Variants in SCARF2 observed in about 807,000 individuals in gnomAD.
The protein encoded by SCARF2 is scavenger receptor expressed by endothelial cells 2 protein.
SCARF2 carries 39 observed loss-of-function variants against 73.4 expected under a neutral mutation model. The ratio of observed to expected loss-of-function variants is 0.53; its 90% CI spans 0.41 to 0.69. The LOEUF (loss-of-function observed/expected upper bound fraction) is 0.69. Ranked by LOEUF, SCARF2 falls within the 30% of genes least tolerant of loss-of-function variation. SCARF2 has a pLI of 0.00. For missense variants in SCARF2, 1,148 were observed against 1,303.5 expected, an observed-to-expected ratio of 0.88 and a Z score of 1.84; for synonymous variants, 605 against 590.0, an observed-to-expected ratio of 1.03 and a Z score of -0.37.
In SCARF2 at chr22:20,427,482, G is replaced by A. The variant is rs779303835; in HGVS notation, c.1609C>T (p.Pro537Ser). ...GCCCGAGAGGACCAGGATGGTGAGG[G>A]CTGCTCCAGCCCTGAGGGTGGCTCC... ...FLEPPSGLEQ[P>S]SPSWSSRASF... is the part of the protein sequence containing the mutation. The change falls in exon 10 of 11, where the codon CCC (proline) becomes TCC (serine). Residue 537 changes from proline to serine, a missense_variant. Transcript: ENST00000622235. 1.1e-5 allele frequency: 17 copies of A among 1,613,996 alleles called. No individual in the cohort carries two copies. In the Admixed American group the frequency reaches 2.3e-4, roughly 22 times the overall value.
chr22:20,427,898 A>G (rs962429233), intron 9 of SCARF2, among the ~76,000 whole-genome samples: 10 of 152,344 alleles, frequency 6.6e-5, no homozygotes, highest in African/African-American at 2.4e-4. Flanking sequence ...AAGGCCTCCA[A>G]GCTCTGTTTT....
chr22:20,430,448 G>T lies in SCARF2; in HGVS notation c.1183C>A (p.Pro395Thr). The T allele has an allele frequency of 6.3e-7, 1 of 1,592,466 alleles. No individual in the cohort carries two copies. The highest frequency in any genetic ancestry group is 8.5e-7 in the Non-Finnish European group (1 of 1,170,310). Residue 395 changes from proline (P) to threonine (T), a missense_variant, in exon 6 of 11, where the codon CCT (proline) becomes ACT (threonine). Coordinates refer to ENST00000622235, the MANE Select transcript of SCARF2 (RefSeq NM_182895.5). ...DFQSGRCLCS[P>T]GVHGPHCNVT... is the part of the protein sequence containing the mutation. The stretch of plus-strand genomic sequence containing the variant: ...ACTCACTGGGGCCCGTGGACGCCAG[G>T]GCTGCACAGGCAGCGCCCCGACTGG...
At chr22:20,436,814 C>T (rs910568810) in intron 1 of SCARF2, among the ~76,000 whole-genome samples, 6 of 152,132 alleles carry the variant, frequency 3.9e-5, no homozygotes, top group African/African-American at 1.2e-4. Flanking sequence ...TCCTGGCGTC[C>T]GGGGCTCACC....
chr22:20,427,190 C>T (rs2052587978), intron 10 of SCARF2, among the ~76,000 whole-genome samples: 1 of 147,918 alleles, frequency 6.8e-6, no homozygotes, highest in Non-Finnish European at 1.5e-5. Context: ...GGGCTGTGGC[C>T]TACCCATCTC....
chr22:20,431,902 C>G (rs2052653775), intron 2 of SCARF2, 28 bp downstream of exon 2: 1 of 1,600,538 alleles, frequency 6.2e-7, no homozygotes, highest in Non-Finnish European at 8.5e-7. Flanking sequence ...CCCTCCCCCG[C>G]CCCAGGTCCC....
chr22:20,435,411 C>T (rs985152747), intron 1 of SCARF2, among the ~76,000 whole-genome samples: 1 of 152,158 alleles, frequency 6.6e-6, no homozygotes, highest in Non-Finnish European at 1.5e-5. Flanking sequence ...GAAGTGTTTG[C>T]CACCTGGCAG....
At chr22:20,436,053 G>C (rs897801300) in intron 1 of SCARF2, among the ~76,000 whole-genome samples, 1 of 152,246 alleles carries the variant, frequency 6.6e-6, no homozygotes, top group African/African-American at 2.4e-5. Flanking sequence ...TGACCACAGC[G>C]ATCTCCACTT....
At chr22:20,435,469 G>C (rs1366720691) in intron 1 of SCARF2, among the ~76,000 whole-genome samples, 4 of 152,116 alleles carry the variant, frequency 2.6e-5, no homozygotes, top group Non-Finnish European at 5.9e-5. Flanking sequence ...GCCCCCAGGG[G>C]GTCCCATGGC....
intron 9 of SCARF2, among the ~76,000 whole-genome samples, chr22:20,428,693 G>T (rs1001362308): frequency 6.0e-5 from 9 of 149,344 alleles, no homozygotes; most frequent in African/African-American, 2.2e-4. Flanking sequence ...GGGAAAGAGA[G>T]GAAGAGAGGG....
chr22:20,425,857 G>A lies in SCARF2; in HGVS notation c.2119C>T (p.His707Tyr). 1 of 1,594,284 alleles carries A rather than the reference G, an allele frequency of 6.3e-7. No homozygotes were observed. Among genetic ancestry groups the A allele is most frequent in the Middle Eastern group, 1.7e-4 (1 of 5,992 alleles). The change falls in exon 11 of 11, where the codon CAT (histidine) becomes TAT (tyrosine). Residue 707 changes from histidine (H) to tyrosine (Y), a missense_variant. His to Tyr is a moderately conservative substitution (Grantham distance 83, BLOSUM62 2). This residue lies in a region of SCARF2 where 437 missense variants were observed against 433.6 expected (regional missense o/e 1.01). Transcript: ENST00000622235. The surrounding 1 kb of genome is among the most constrained non-coding windows in gnomAD (Gnocchi z 4.6). ...RKRTPSDKSA[H>Y]TVEHGSPRTR... ...CGGGGGCTGCCGTGTTCGACCGTAT[G>A]CGCCGATTTGTCGCTGGGCGTCCGT...
Position 20,425,263 on chromosome 22 carries a change from C to A in SCARF2, c.*112G>T, listed in dbSNP as rs371848670. 1.7e-4 allele frequency: 161 copies of A among 926,424 alleles called. 6 individuals carry two copies. Among genetic ancestry groups the A allele is most frequent in the East Asian group, 8.6e-4 (26 of 30,188 alleles). 57.4% of individuals were successfully genotyped at this position (926,424 alleles called of 1,614,324 possible). ...CCAATGAGACGCAACCTCCGCTAGC[C>A]GCGCGGTGCCCGGCCAATAGGAGGC... is the stretch of plus-strand genomic sequence containing the variant. On this transcript the variant is annotated 3_prime_UTR_variant, in exon 11 of 11. Transcript: ENST00000622235. The surrounding 1 kb of genome is among the most constrained non-coding windows in gnomAD (Gnocchi z 4.6).
Position 20,429,533 on chromosome 22 carries a change from C to T in SCARF2, c.1424+3G>A, listed in dbSNP as rs2052617669. 1.2e-6 allele frequency: 2 copies of T among 1,612,342 alleles called. No individual in the cohort carries two copies. The highest frequency in any genetic ancestry group is 1.7e-6 in the Non-Finnish European group (2 of 1,179,642). On this transcript the variant is annotated splice_donor_region_variant and intron_variant, in intron 8 of 10. Transcript: ENST00000622235. This position sits in a 1 kb window ranked among gnomAD's most constrained non-coding sequence, Gnocchi z 5.2. ...GCGAAAGCGGGGCAGTATCTGGGCT[C>T]ACCGGCGCGTAGGGTCCTTGCCGCG...
rs3072077 is a variant in SCARF2, at chr22:20,428,210, T to TCCTCCCTC, written c.1541-668_1541-661dup. On this transcript the variant is annotated intron_variant, in intron 9 of 10. Transcript: ENST00000622235. ...TTTCTTTCGACAGTTTTGGGGTTTCTCCTCCCTCCCTCCCTCCCTCCCTCC... is the reference window on the plus strand; with the variant it reads ...TTTCTTTCGACAGTTTTGGGGTTTCTCCTCCCTCCCTCCCTCCCTCCCTCCCTCCCTCC... 2.1e-3 allele frequency among the ~76,000 whole-genome samples: 297 copies of TCCTCCCTC among 142,776 alleles called. 1 individual carries two copies. The highest frequency in any genetic ancestry group is 6.0e-3 in the African/African-American group (231 of 38,754). The allele number at this position is 142,776 out of a possible 152,430, so 93.7% of individuals were successfully genotyped here.
At chr22:20,435,137 C>A (rs1601305511) in intron 1 of SCARF2, among the ~76,000 whole-genome samples, 1 of 151,520 alleles carries the variant, frequency 6.6e-6, no homozygotes, top group Non-Finnish European at 1.5e-5. Flanking sequence ...CTCTTGACCT[C>A]CTTGCACCCT....
Position 20,425,395 on chromosome 22 carries a change from C to T in SCARF2, c.2581G>A (p.Ala861Thr). ...SREAAGELGRAGAPTL is the reference protein window; with the variant it reads ...SREAAGELGRTGAPTL ...GCCTGCTACAGGGTGGGTGCGCCCG[C>T]CCTGCCCAGCTCGCCCGCCGCCTCC... Residue 861 changes from alanine to threonine, a missense_variant, in exon 11 of 11, where the codon GCG (alanine) becomes ACG (threonine). Physicochemically the swap from Ala to Thr is moderately conservative, Grantham distance 58. Transcript: ENST00000622235. The surrounding 1 kb of genome is among the most constrained non-coding windows in gnomAD (Gnocchi z 4.6). The T allele has an allele frequency of 5.6e-6, 8 of 1,428,652 alleles. No homozygotes were observed. Among genetic ancestry groups the T allele is most frequent in the Non-Finnish European group, 6.4e-6 (7 of 1,088,490 alleles). The allele number at this position is 1,428,652 out of a possible 1,614,324, so 88.5% of individuals were successfully genotyped here.
chr22:20,425,861 C>G lies in SCARF2; in HGVS notation c.2115G>C (p.Ser705=). Residue 705 remains serine (S), a synonymous_variant, in exon 11 of 11, where the codon TCG becomes TCC. Coordinates refer to ENST00000622235, the MANE Select transcript of SCARF2 (RefSeq NM_182895.5). The surrounding 1 kb of genome is among the most constrained non-coding windows in gnomAD (Gnocchi z 4.6). ...GGCTGCCGTGTTCGACCGTATGCGC[C>G]GATTTGTCGCTGGGCGTCCGTTTCC... ...SKRKRTPSDK[S]AHTVEHGSPR... is the part of the protein sequence containing the mutation. 6 of 1,594,816 alleles carry G rather than the reference C, an allele frequency of 3.8e-6. No individual in the cohort carries two copies. Among genetic ancestry groups the G allele is most frequent in the South Asian group, 1.1e-5 (1 of 89,192 alleles).
chr22:20,425,564 C>T lies in SCARF2; in HGVS notation c.2412G>A (p.Lys804=), dbSNP rs775069418. 4.5e-6 allele frequency: 6 copies of T among 1,343,284 alleles called. No homozygotes were observed. Among genetic ancestry groups the T allele is most frequent in the Non-Finnish European group, 4.8e-6 (5 of 1,051,938 alleles). 83.2% of individuals were successfully genotyped at this position (1,343,284 alleles called of 1,614,324 possible). ...REKPAPPQKA[K]RSVPPASPAR... ...CGGGCGAGGCTGGCGGCACGGAGCGCTTGGCTTTCTGTGGGGGCGCCGGCT... is the reference window on the plus strand; with the variant it reads ...CGGGCGAGGCTGGCGGCACGGAGCGTTTGGCTTTCTGTGGGGGCGCCGGCT... Residue 804 remains lysine, a synonymous_variant, in exon 11 of 11, where the codon AAG becomes AAA. Coordinates refer to ENST00000622235, the MANE Select transcript of SCARF2 (RefSeq NM_182895.5). The surrounding 1 kb of genome is among the most constrained non-coding windows in gnomAD (Gnocchi z 4.6).
At chr22:20,428,672 T>C (rs1042957216) in intron 9 of SCARF2, among the ~76,000 whole-genome samples, 1 of 151,980 alleles carries the variant, frequency 6.6e-6, no homozygotes, top group African/African-American at 2.4e-5. Flanking sequence ...CCTCCATCTT[T>C]AGAAATAAGT....
Position 20,426,253 on chromosome 22 carries a change from C to T in SCARF2, c.1723G>A (p.Val575Ile). 6.5e-7 allele frequency: 1 copy of T among 1,536,118 alleles called. No homozygotes were observed. Among genetic ancestry groups the T allele is most frequent in the South Asian group, 1.2e-5 (1 of 83,914 alleles). The part of the protein sequence containing the change: ...EAPAESRDPE[V>I]PTVPAEAPAP... ...GGCGCCTCGGCAGGGACAGTGGGGACTTCGGGGTCCCGGCTCTCCGCTGGT... is the reference window on the plus strand; with the variant it reads ...GGCGCCTCGGCAGGGACAGTGGGGATTTCGGGGTCCCGGCTCTCCGCTGGT... The change falls in exon 11 of 11, where the codon GTC (valine) becomes ATC (isoleucine). Residue 575 changes from valine to isoleucine, a missense_variant. This residue lies in a region of SCARF2 where 437 missense variants were observed against 433.6 expected (regional missense o/e 1.01). Transcript: ENST00000622235.
Sources: allele counts gnomAD v4.1 joint callset (sites outside exome capture counted in the v4.1 genomes callset), GRCh38; gene constraint gnomAD v4.1.1; regional missense constraint gnomAD v4.1.1; non-coding constraint Gnocchi (gnomAD v3.1); transcripts MANE v1.5; gene names NCBI Gene and HGNC (gene_info 2026-07-23, HGNC 2026-07-21).